CD2: variants seen among roughly 807,000 people sequenced by gnomAD.
CD2 encodes T-cell surface antigen CD2.
A neutral mutation model predicts 23.2 loss-of-function variants in CD2; 18 were observed. That is an observed-to-expected ratio of 0.77 (90% CI 0.54 to 1.15). CD2 has a LOEUF of 1.15. Among genes scored for constraint, CD2 ranks in the 50% most tolerant of loss-of-function variants. CD2 has a pLI of 0.00. For missense variants in CD2, 424 were observed against 423.1 expected (o/e 1.00, Z -0.02); for synonymous variants, 162 against 151.9 (o/e 1.07, Z -0.49).
rs1193783067 is a variant in CD2 at position 116,764,337 on chromosome 1, C to T, written c.614-147C>T. The T allele has an allele frequency of 2.1e-5, 27 of 1,302,466 alleles. No homozygotes were observed. The East Asian group carries it at 5.5e-4, about 27-fold the overall frequency. The allele number at this position is 1,302,466 out of a possible 1,614,324, so 80.7% of individuals were successfully genotyped here. ...GTCCTTCCAGGGTTGACACCACTCA[C>T]CACCCTCTGTGAGCCTGGGAGTTAT... is the stretch of plus-strand genomic sequence containing the variant. On this transcript the variant is annotated intron_variant, in intron 3 of 4. Transcript: ENST00000369478.
chr1:116,768,084 A>G (rs1490141675), intron 4 of CD2, among the ~76,000 whole-genome samples: 1 of 152,152 alleles, frequency 6.6e-6, no homozygotes, highest in Non-Finnish European at 1.5e-5. Context: ...ATCCTCCATG[A>G]CTGCTCATAA....
At chr1:116,755,339 G>A (rs1478826688) in intron 2 of CD2, among the ~76,000 whole-genome samples, 3 of 152,206 alleles carry the variant, frequency 2.0e-5, no homozygotes, top group Admixed American at 6.5e-5. Flanking sequence ...GGAGAGCAGC[G>A]GGCCTTTCAT....
At chr1:116,763,004 C>G (rs958271285) in intron 3 of CD2, among the ~76,000 whole-genome samples, 2 of 152,208 alleles carry the variant, frequency 1.3e-5, no homozygotes, top group Non-Finnish European at 2.9e-5. Flanking sequence ...CTGCCCTGCC[C>G]CACCCCGGGT....
chr1:116,764,239 ACAATCAGG>A (rs1652143621), intron 3 of CD2, among the ~76,000 whole-genome samples: 1 of 152,112 alleles, frequency 6.6e-6, no homozygotes, highest in Non-Finnish European at 1.5e-5. Context: ...TGGTGCATGA[ACAATCAGG>A]CATTTCTAGC....
intron 2 of CD2, among the ~76,000 whole-genome samples, chr1:116,757,739 A>T (rs2101156951): frequency 6.8e-6 from 1 of 147,550 alleles, no homozygotes; most frequent in East Asian, 1.9e-4. Context: ...TTAAAATATT[A>T]CATATATATA....
At chr1:116,754,600 T>C in intron 1 of CD2, 31 bp from the exon 2 acceptor site, 1 of 1,609,058 alleles carries the variant, frequency 6.2e-7, no homozygotes, top group Non-Finnish European at 8.5e-7. Flanking sequence ...TCCCTGAAAG[T>C]GACTCTCAGT....
chr1:116,759,126 G>A (rs1031512158), intron 2 of CD2, among the ~76,000 whole-genome samples: 3 of 152,100 alleles, frequency 2.0e-5, no homozygotes, highest in Non-Finnish European at 4.4e-5. Flanking sequence ...GGCAAACTTC[G>A]TGACCCAACC....
intron 4 of CD2, among the ~76,000 whole-genome samples, chr1:116,767,280 A>C (rs923013149): frequency 6.6e-6 from 1 of 152,130 alleles, no homozygotes; most frequent in Non-Finnish European, 1.5e-5. Flanking sequence ...CCAGCCACAC[A>C]TCTCCATAAA....
intron 3 of CD2, among the ~76,000 whole-genome samples, chr1:116,762,514 A>G (rs1179809507): frequency 6.6e-6 from 1 of 152,102 alleles, no homozygotes; most frequent in Non-Finnish European, 1.5e-5. Context: ...GCTCTTGAAG[A>G]CCCGAAAAGG....
At chr1:116,757,186 G>A (rs1440095915) in intron 2 of CD2, among the ~76,000 whole-genome samples, 2 of 151,882 alleles carry the variant, frequency 1.3e-5, no homozygotes, top group African/African-American at 2.4e-5. Flanking sequence ...TAGTAGAGAC[G>A]GGGTTTCGCC....
chr1:116,756,856 C>G (rs950760727), intron 2 of CD2, among the ~76,000 whole-genome samples: 2 of 152,158 alleles, frequency 1.3e-5, no homozygotes, highest in African/African-American at 4.8e-5. Flanking sequence ...TGCTGTGAGT[C>G]TGCTTTTCCA....
chr1:116,760,226 T>C (rs1651998922), intron 2 of CD2, among the ~76,000 whole-genome samples, 176 bp from the exon 3 acceptor site: 1 of 152,156 alleles, frequency 6.6e-6, no homozygotes, highest in South Asian at 2.1e-4. Flanking sequence ...AGAAATAATT[T>C]TTTTCTGAAT....
In CD2 at chr1:116,754,703, T is replaced by C. The variant is rs755341854; in HGVS notation, c.134T>C (p.Ile45Thr). The change falls in exon 2 of 5, where the codon ATT becomes ACT. Residue 45 changes from isoleucine to threonine, a missense_variant. By Grantham distance (89) the Ile-to-Thr change is moderately conservative. Transcript: ENST00000369478. ...TTGGGTCAGGACATCAACTTGGACA[T>C]TCCTAGTTTTCAAATGAGTGATGAT... ...GALGQDINLD[I>T]PSFQMSDDID... 1 of 1,612,596 alleles carries C rather than the reference T, an allele frequency of 6.2e-7. No homozygotes were observed. Among genetic ancestry groups the C allele is most frequent in the Non-Finnish European group, 8.5e-7 (1 of 1,179,348 alleles).
intron 2 of CD2, among the ~76,000 whole-genome samples, 166 bp from the exon 3 acceptor site, chr1:116,760,236 T>C (rs575520883): frequency 6.6e-6 from 1 of 152,388 alleles, no homozygotes; most frequent in South Asian, 2.1e-4. Flanking sequence ...TTTTTCTGAA[T>C]GCTCTTTGTA....
chr1:116,759,972 T>C (rs1651987903), intron 2 of CD2, among the ~76,000 whole-genome samples: 1 of 152,184 alleles, frequency 6.6e-6, no homozygotes, highest in South Asian at 2.1e-4. Flanking sequence ...TCTCAAACTC[T>C]GGAGGCACTT....
At chr1:116,764,717 C>A in intron 4 of CD2, 111 bp downstream of exon 4, 2 of 835,436 alleles carry the variant, frequency 2.4e-6, no homozygotes, top group Non-Finnish European at 4.0e-6. Context: ...TAGGTAGTTT[C>A]GGAATGTCAG....
At chr1:116,760,902 T>A (rs564280319) in intron 3 of CD2, among the ~76,000 whole-genome samples, 1 of 152,294 alleles carries the variant, frequency 6.6e-6, no homozygotes, top group Admixed American at 6.5e-5. Context: ...ATTGCAAAAC[T>A]GAAGAAGGAG....
Position 116,767,467 on chromosome 1 carries a change from T to G in CD2, c.737-997T>G, listed in dbSNP as rs187317831. On this transcript the variant is annotated intron_variant, in intron 4 of 4. Transcript: ENST00000369478. Reference sequence around the variant, plus strand: ...TTAGCCGGGCGTGGTGGTGAACGCCTGTAATCCCAGCTACTCAGGAGGCCG... The same window carrying G: ...TTAGCCGGGCGTGGTGGTGAACGCCGGTAATCCCAGCTACTCAGGAGGCCG... Among the ~76,000 whole-genome samples the G allele has an allele frequency of 5.3e-4, 80 of 151,934 alleles. 2 individuals are homozygous for G. The East Asian group carries it at 8.1e-3, about 15-fold the overall frequency.
intron 3 of CD2, 73 bp from the exon 4 acceptor site, chr1:116,764,408 GGCA>G (rs1652149812): frequency 5.1e-6 from 8 of 1,562,904 alleles, no homozygotes; most frequent in Non-Finnish European, 6.9e-6. Context: ...TGATGCAGGA[GGCA>G]GCATCCTTGG....
Sources: allele counts gnomAD v4.1 joint callset (sites outside exome capture counted in the v4.1 genomes callset), GRCh38; gene constraint gnomAD v4.1.1; transcripts MANE v1.5; gene names NCBI Gene and HGNC (gene_info 2026-07-23, HGNC 2026-07-21).